Variants in UBE2H observed in about 807,000 individuals in gnomAD.
UBE2H encodes the protein ubiquitin-conjugating enzyme E2 H.
UBE2H carries 3 observed loss-of-function variants against 29.0 expected under a neutral mutation model. The observed-to-expected ratio is 0.10, with a 90% CI of 0.05 to 0.27. The LOEUF (loss-of-function observed/expected upper bound fraction) is 0.27, where lower values mean the gene tolerates loss of function less well. Among genes scored for constraint, UBE2H ranks in the 10% least tolerant of loss-of-function variants. The pLI is 1.00. For synonymous variants in UBE2H, 69 were observed against 82.9 expected, an observed-to-expected ratio of 0.83 and a Z score of 0.91; for missense variants, 68 against 228.2, an observed-to-expected ratio of 0.30 and a Z score of 4.52.
chr7:129,941,580 T>C (rs1807642940), intron 1 of UBE2H, among the ~76,000 whole-genome samples: 1 of 152,080 alleles, frequency 6.6e-6, no homozygotes, highest in African/African-American at 2.4e-5. Flanking sequence ...AAGTTCCAGC[T>C]GTCAGTAATA....
chr7:129,845,928 G>C (rs1805503230), intron 5 of UBE2H, among the ~76,000 whole-genome samples: 1 of 152,162 alleles, frequency 6.6e-6, no homozygotes, highest in Non-Finnish European at 1.5e-5. Flanking sequence ...AATTGCACCA[G>C]AGAACTAAAC....
chr7:129,925,216 C>T (rs1431612988), intron 1 of UBE2H, among the ~76,000 whole-genome samples: 12 of 151,908 alleles, frequency 7.9e-5, no homozygotes, highest in African/African-American at 2.9e-4. Context: ...GGCGTAGTGG[C>T]GAGCTCCTGT....
At chr7:129,887,925 G>C (rs781258130) in intron 1 of UBE2H, among the ~76,000 whole-genome samples, 6 of 152,000 alleles carry the variant, frequency 3.9e-5, no homozygotes, top group African/African-American at 7.2e-5. Flanking sequence ...AAAAACCAAA[G>C]ACTTTACATT....
intron 3 of UBE2H, among the ~76,000 whole-genome samples, 190 bp downstream of exon 3, chr7:129,879,378 G>A (rs1806210154): frequency 6.6e-6 from 1 of 152,154 alleles, no homozygotes; most frequent in African/African-American, 2.4e-5. Flanking sequence ...TATGCAAAGA[G>A]TATATTTAAA....
chr7:129,919,152 G>A (rs1807106047), intron 1 of UBE2H, among the ~76,000 whole-genome samples: 1 of 143,958 alleles, frequency 6.9e-6, no homozygotes, highest in Non-Finnish European at 1.5e-5. Context: ...TGGATGAAAG[G>A]AAATGTGTCA....
At chr7:129,917,836 A>G (rs749483643) in intron 1 of UBE2H, among the ~76,000 whole-genome samples, 6 of 152,224 alleles carry the variant, frequency 3.9e-5, no homozygotes, top group Non-Finnish European at 7.3e-5. Context: ...TAAAAATAGG[A>G]TCTACACAAT....
intron 3 of UBE2H, among the ~76,000 whole-genome samples, chr7:129,876,108 T>C (rs1171688953): frequency 6.6e-6 from 1 of 152,212 alleles, no homozygotes; most frequent in African/African-American, 2.4e-5. Context: ...ACATTCTTCT[T>C]CTCTCCTAAC....
chr7:129,863,572 C>T (rs1404852102), intron 3 of UBE2H, among the ~76,000 whole-genome samples: 2 of 152,078 alleles, frequency 1.3e-5, no homozygotes, highest in Admixed American at 1.3e-4. Context: ...AGAGTTAAGT[C>T]CTTAAAGGAA....
At chr7:129,862,625 A>C (rs1320498107) in intron 3 of UBE2H, among the ~76,000 whole-genome samples, 1 of 152,156 alleles carries the variant, frequency 6.6e-6, no homozygotes, top group Non-Finnish European at 1.5e-5. Context: ...TACCAAGAGG[A>C]GAGGAGAAGG....
At chr7:129,879,065 C>A (rs1279875711) in intron 3 of UBE2H, among the ~76,000 whole-genome samples, 2 of 152,102 alleles carry the variant, frequency 1.3e-5, no homozygotes, top group African/African-American at 4.8e-5. Flanking sequence ...GGTTTCTATT[C>A]TTTCTTCTGC....
intron 1 of UBE2H, among the ~76,000 whole-genome samples, chr7:129,909,862 G>A (rs188050253): frequency 1.3e-5 from 2 of 152,258 alleles, no homozygotes; most frequent in East Asian, 3.9e-4. Context: ...GCTTGAAAGA[G>A]GTGGGAGTTG....
chr7:129,877,736 T>C (rs969718821), intron 3 of UBE2H, among the ~76,000 whole-genome samples: 1 of 152,184 alleles, frequency 6.6e-6, no homozygotes, highest in Non-Finnish European at 1.5e-5. Context: ...TTTTGTGTCA[T>C]TAGTTAATAA....
At chr7:129,878,599 C>T (rs898687716) in intron 3 of UBE2H, among the ~76,000 whole-genome samples, 15 of 143,810 alleles carry the variant, frequency 1.0e-4, no homozygotes, top group African/African-American at 3.6e-4. Flanking sequence ...AGAAGAATGG[C>T]GTGAACCCAG....
chr7:129,835,085 A>G, intron 6 of UBE2H, 24 bp from the exon 7 acceptor site: 1 of 1,613,752 alleles, frequency 6.2e-7, no homozygotes, highest in South Asian at 1.1e-5. Context: ...GAGAAAGACA[A>G]CAAGGGCAGT....
chr7:129,915,608 G>T (rs764947652), intron 1 of UBE2H, among the ~76,000 whole-genome samples: 1 of 152,168 alleles, frequency 6.6e-6, no homozygotes, highest in Admixed American at 6.6e-5. Context: ...TAAACAGAAC[G>T]AACTATTTTC....
chr7:129,912,392 CT>C (rs1356140725), intron 1 of UBE2H, among the ~76,000 whole-genome samples: 2 of 152,032 alleles, frequency 1.3e-5, no homozygotes, highest in African/African-American at 4.8e-5. Context: ...ACATTTCTTT[CT>C]TTTTAAAGAG....
intron 3 of UBE2H, among the ~76,000 whole-genome samples, chr7:129,872,237 CA>C (rs1806054331): frequency 6.6e-6 from 1 of 152,118 alleles, no homozygotes; most frequent in South Asian, 2.1e-4. Context: ...TTGTGAATGA[CA>C]AACTCCTCTC....
At chr7:129,950,297 CAGAA>C (rs1402529724) in intron 1 of UBE2H, among the ~76,000 whole-genome samples, 1 of 152,134 alleles carries the variant, frequency 6.6e-6, no homozygotes, top group Non-Finnish European at 1.5e-5. Flanking sequence ...TTTCTTTTGT[CAGAA>C]AGGAAGGAAG....
intron 1 of UBE2H, among the ~76,000 whole-genome samples, chr7:129,942,083 G>C (rs1263938234): frequency 6.6e-6 from 1 of 151,828 alleles, no homozygotes; most frequent in Non-Finnish European, 1.5e-5. Context: ...GGTGGCACAC[G>C]CCTGTAGTCC....
Sources: gnomAD v4.1 joint callset for allele counts (sites outside exome capture counted in the v4.1 genomes callset) on GRCh38, gnomAD v4.1.1 for gene constraint, MANE v1.5 for transcripts, NCBI Gene and HGNC (gene_info 2026-07-23, HGNC 2026-07-21) for gene names.